SPSB4: variants seen among roughly 807,000 people sequenced by gnomAD.
SPSB4 encodes SPRY domain-containing SOCS box protein 4.
A neutral mutation model predicts 20.9 loss-of-function variants in SPSB4; 21 were observed. The observed-to-expected ratio is 1.01, with a 90% CI of 0.71 to 1.45. The LOEUF is 1.45. Ranked by LOEUF, SPSB4 falls within the 40% of genes most tolerant of loss-of-function variation. The pLI is 0.00. For synonymous variants in SPSB4, 207 were observed against 183.8 expected, an observed-to-expected ratio of 1.13 and a Z score of -1.02; for missense variants, 399 against 399.2, an observed-to-expected ratio of 1.00 and a Z score of 0.00.
At chr3:141,122,065 G>GT (rs1938976516) in intron 2 of SPSB4, among the ~76,000 whole-genome samples, 1 of 152,136 alleles carries the variant, frequency 6.6e-6, no homozygotes, top group Admixed American at 6.5e-5. Flanking sequence ...TCTACGTTTG[G>GT]TTTTTGATGT....
rs74716754 is a variant in SPSB4, at chr3:141,061,183, T to C, written c.-153-4769T>C. On this transcript the variant is annotated intron_variant, in intron 1 of 2. Transcript: ENST00000310546. ...TGCATTTAAAGTATATTTAGTGATA[T>C]GTGAAAATGCAAATTACATAATTTT... is the stretch of plus-strand genomic sequence containing the variant. 9.3e-3 allele frequency among the ~76,000 whole-genome samples: 1,422 copies of C among 152,302 alleles called. 25 individuals carry two copies. The highest frequency in any genetic ancestry group is 0.032 in the African/African-American group (1,342 of 41,578).
At chr3:141,054,663 A>G (rs763281830) in intron 1 of SPSB4, among the ~76,000 whole-genome samples, 48 of 152,264 alleles carry the variant, frequency 3.2e-4, no homozygotes, top group South Asian at 6.2e-4. Context: ...CATTGAGTTC[A>G]GAACTTACTC....
At chr3:141,139,346 G>T (rs996543906) in intron 2 of SPSB4, among the ~76,000 whole-genome samples, 1 of 152,022 alleles carries the variant, frequency 6.6e-6, no homozygotes, top group Non-Finnish European at 1.5e-5. Flanking sequence ...TTTAAGATTA[G>T]TATTGTTATG....
intron 2 of SPSB4, among the ~76,000 whole-genome samples, chr3:141,070,137 T>C (rs754785958): frequency 2.0e-4 from 30 of 152,032 alleles, no homozygotes; most frequent in Non-Finnish European, 3.8e-4. Flanking sequence ...GCCATCTAAG[T>C]GAACTGAGAA....
intron 2 of SPSB4, among the ~76,000 whole-genome samples, chr3:141,082,936 G>A (rs888314094): frequency 1.3e-5 from 2 of 151,336 alleles, no homozygotes; most frequent in African/African-American, 4.9e-5. Flanking sequence ...TCTTTGTTTG[G>A]CCTCAGCGTG....
At chr3:141,128,053 C>T (rs1387696649) in intron 2 of SPSB4, among the ~76,000 whole-genome samples, 1 of 152,172 alleles carries the variant, frequency 6.6e-6, no homozygotes, top group East Asian at 1.9e-4. Context: ...AAAAAGAAGG[C>T]TGGTGGGTGG....
chr3:141,114,132 C>A (rs1207569039), intron 2 of SPSB4, among the ~76,000 whole-genome samples: 2 of 152,146 alleles, frequency 1.3e-5, no homozygotes, highest in East Asian at 1.9e-4. Context: ...GTAAACTTCA[C>A]CTCAATTTAA....
At position 141,116,151 on chromosome 3, in the gene SPSB4, TAGTCTCA is replaced by T. The variant is rs551910648; in HGVS notation, c.695-30990_695-30984del. 9.7e-4 allele frequency among the ~76,000 whole-genome samples: 147 copies of T among 152,318 alleles called. 3 individuals are homozygous for T. Among genetic ancestry groups the T allele is most frequent in the African/African-American group, 3.5e-3 (144 of 41,580 alleles). ...GAAAACAGGAGTCAACTGTGCCAGT[TAGTCTCA>T]GTGGTTGTGAGGAGCACAGCCCCAG... On this transcript the variant is annotated intron_variant, in intron 2 of 2. Transcript: ENST00000310546.
intron 1 of SPSB4, among the ~76,000 whole-genome samples, chr3:141,058,756 G>C (rs978201615): frequency 3.9e-5 from 6 of 152,194 alleles, no homozygotes; most frequent in African/African-American, 1.2e-4. Context: ...GTTGGAAGCA[G>C]GGAAGGATGC....
intron 1 of SPSB4, among the ~76,000 whole-genome samples, chr3:141,057,545 C>A (rs531473558): frequency 6.6e-5 from 10 of 152,300 alleles, no homozygotes; most frequent in African/African-American, 1.9e-4. Flanking sequence ...TTTCTCTAAG[C>A]CAGGTCCATG....
At chr3:141,115,999 A>G in intron 2 of SPSB4, among the ~76,000 whole-genome samples, 1 of 152,254 alleles carries the variant, frequency 6.6e-6, no homozygotes, top group Non-Finnish European at 1.5e-5. Flanking sequence ...TGGAAAGGTC[A>G]AATAAACACA....
At chr3:141,123,200 A>G (rs1559853918) in intron 2 of SPSB4, among the ~76,000 whole-genome samples, 2 of 152,250 alleles carry the variant, frequency 1.3e-5, no homozygotes, top group East Asian at 3.9e-4. Flanking sequence ...GCCCTCTTTA[A>G]TTCTAATTTC....
chr3:141,092,458 C>T (rs946326434), intron 2 of SPSB4, among the ~76,000 whole-genome samples: 2 of 152,204 alleles, frequency 1.3e-5, no homozygotes, highest in Non-Finnish European at 2.9e-5. Context: ...TCATTAGAGC[C>T]GACTACACAT....
intron 2 of SPSB4, among the ~76,000 whole-genome samples, chr3:141,141,802 A>G (rs556371976): frequency 2.0e-5 from 3 of 152,268 alleles, no homozygotes; most frequent in East Asian, 1.9e-4. Context: ...AAATTTTTCT[A>G]TCTCCTTTAA....
At chr3:141,118,343 T>TCAA (rs1222014352) in intron 2 of SPSB4, among the ~76,000 whole-genome samples, 1 of 152,220 alleles carries the variant, frequency 6.6e-6, no homozygotes, top group East Asian at 1.9e-4. Flanking sequence ...ATGGGGTTGT[T>TCAA]TTTTTCATGT....
At chr3:141,119,678 G>C (rs1033606359) in intron 2 of SPSB4, among the ~76,000 whole-genome samples, 2 of 152,104 alleles carry the variant, frequency 1.3e-5, no homozygotes, top group Non-Finnish European at 2.9e-5. Flanking sequence ...ATTTCTTCTA[G>C]ATTTTCTAGT....
rs1195347313 is a variant in SPSB4, at chr3:141,066,630, T to G, written c.526T>G (p.Ser176Ala). 6.2e-7 allele frequency: 1 copy of G among 1,609,378 alleles called. No individual in the cohort carries two copies. Among genetic ancestry groups the G allele is most frequent in the Non-Finnish European group, 8.5e-7 (1 of 1,177,864 alleles). ...CGACGAGGCCTTTGCGCTGCCCGAC[T>G]CGCTGCTCGTGGTGCTGGACATGGA... Reference protein sequence around the residue: ...GPDEAFALPDSLLVVLDMDEG... With the variant: ...GPDEAFALPDALLVVLDMDEG... The change falls in exon 2 of 3, where the codon TCG becomes GCG. Residue 176 changes from serine to alanine, a missense_variant. Coordinates refer to ENST00000310546, the MANE Select transcript of SPSB4 (RefSeq NM_080862.3).
intron 2 of SPSB4, among the ~76,000 whole-genome samples, chr3:141,067,842 C>T (rs774687663): frequency 6.6e-5 from 10 of 152,300 alleles, no homozygotes; most frequent in East Asian, 1.9e-4. Context: ...TCAGAGGTGG[C>T]GCTGAAAGCT....
At chr3:141,097,894 G>T (rs181073000) in intron 2 of SPSB4, among the ~76,000 whole-genome samples, 12 of 152,306 alleles carry the variant, frequency 7.9e-5, no homozygotes, top group African/African-American at 2.6e-4. Context: ...AATAGCCATT[G>T]TATTGGAGTT....
Sources: allele counts gnomAD v4.1 joint callset (sites outside exome capture counted in the v4.1 genomes callset), GRCh38; gene constraint gnomAD v4.1.1; transcripts MANE v1.5; gene names NCBI Gene and HGNC (gene_info 2026-07-23, HGNC 2026-07-21).